Variants in GSE1 observed in about 807,000 individuals in gnomAD.
GSE1 encodes genetic suppressor element 1.
In GSE1, 32 loss-of-function variants were observed where a neutral mutation model predicts 112.6. That is an observed-to-expected ratio of 0.28 (90% CI 0.21 to 0.38). The LOEUF (loss-of-function observed/expected upper bound fraction) is 0.38, where lower values mean the gene tolerates loss of function less well. GSE1 is among the 10% of genes least tolerant of loss of function. The pLI is 1.00. For missense variants in GSE1, 2,348 were observed against 1,699.2 expected (o/e 1.38, Z -6.71); for synonymous variants, 1,115 against 735.6 (o/e 1.52, Z -8.35).
At chr16:85,285,867 T>C (rs1015234261) in intron 1 of GSE1, 19 of 152,218 alleles carry the variant, frequency 1.2e-4, no homozygotes, top group African/African-American at 4.3e-4. Flanking sequence ...TTTGATGCCA[T>C]TTGTCTGAAC....
intron 2 of GSE1, among the ~76,000 whole-genome samples, chr16:85,541,340 G>A (rs374954594): frequency 6.6e-6 from 1 of 152,344 alleles, no homozygotes; most frequent in Non-Finnish European, 1.5e-5. Context: ...CTTCCCGAGG[G>A]ACTTTCTCCA....
chr16:85,337,699 G>T (rs921829186), intron 1 of GSE1, among the ~76,000 whole-genome samples: 1 of 152,234 alleles, frequency 6.6e-6, no homozygotes, highest in Non-Finnish European at 1.5e-5. Context: ...GCCTTCAGGG[G>T]TCCATGGGTG....
intron 1 of GSE1, among the ~76,000 whole-genome samples, chr16:85,315,988 C>A (rs1597376759): frequency 6.6e-6 from 1 of 152,316 alleles, no homozygotes; most frequent in East Asian, 1.9e-4. Context: ...GCCCATGGTG[C>A]CCCTGCTGGG....
intron 1 of GSE1, among the ~76,000 whole-genome samples, chr16:85,256,085 T>C (rs112203329): frequency 6.6e-6 from 1 of 152,180 alleles, no homozygotes; most frequent in African/African-American, 2.4e-5. Context: ...AATACTAATT[T>C]CCTCATAGTG....
At chr16:85,532,070 A>G (rs539264116) in intron 2 of GSE1, among the ~76,000 whole-genome samples, 3 of 152,218 alleles carry the variant, frequency 2.0e-5, no homozygotes, top group African/African-American at 2.4e-5. Flanking sequence ...ATACAGTGTT[A>G]GCCTTGAAGA....
chr16:85,512,285 G>A (rs1390135717), intron 2 of GSE1, among the ~76,000 whole-genome samples: 4 of 152,184 alleles, frequency 2.6e-5, no homozygotes, highest in Non-Finnish European at 5.9e-5. Context: ...GAACACAGCA[G>A]GTGGCTGTGA....
At chr16:85,198,611 C>A (rs1283423377) in intron 1 of GSE1, among the ~76,000 whole-genome samples, 1 of 152,076 alleles carries the variant, frequency 6.6e-6, no homozygotes, top group Non-Finnish European at 1.5e-5. Flanking sequence ...TGCCGTCTTC[C>A]CTGGACAGTG....
At chr16:85,663,637 A>AG in intron 11 of GSE1, 23 bp downstream of exon 11, 1 of 1,596,290 alleles carries the variant, frequency 6.3e-7, no homozygotes, top group Non-Finnish European at 8.5e-7. Flanking sequence ...CTGGGTAGGA[A>AG]GGTGGGGGCT....
At chr16:85,185,706 C>G (rs938644095) in intron 1 of GSE1, among the ~76,000 whole-genome samples, 1 of 152,244 alleles carries the variant, frequency 6.6e-6, no homozygotes, top group Non-Finnish European at 1.5e-5. Context: ...TCTGTGTGGG[C>G]TTTTGGGAGC....
At position 85,419,218 on chromosome 16, in the gene GSE1, G is replaced by A. The variant is rs1476621721; in HGVS notation, c.2464+61575G>A. Among the ~76,000 whole-genome samples the A allele has an allele frequency of 6.6e-6, 1 of 152,220 alleles. No homozygotes were observed. The highest frequency in any genetic ancestry group is 1.5e-5 in the Non-Finnish European group (1 of 68,036). Reference sequence around the variant, plus strand: ...TGCCTTAGTCTCTGCAGGGACAGCAGTGAGGGTGCCCGGGCCCTGCCCTTA... The same window carrying A: ...TGCCTTAGTCTCTGCAGGGACAGCAATGAGGGTGCCCGGGCCCTGCCCTTA... On this transcript the variant is annotated intron_variant, in intron 2 of 2. Coordinates refer to the GSE1 transcript ENST00000637419. This position sits in a 1 kb window ranked among gnomAD's most constrained non-coding sequence, Gnocchi z 6.5.
In GSE1 at chr16:85,516,827, T is replaced by C. The variant is rs144102192; in HGVS notation, c.2465-117087T>C. Among the ~76,000 whole-genome samples the C allele has an allele frequency of 5.2e-3, 767 of 146,516 alleles. 9 individuals are homozygous for C. The highest frequency in any genetic ancestry group is 0.018 in the African/African-American group (730 of 39,682). On this transcript the variant is annotated intron_variant, in intron 2 of 2. Transcript: ENST00000637419. ...TTTTTTTTTTTTTTGAGACGGAGTC[T>C]CGCTCTATCGCCCAGGCTGGAGTGC...
rs144566225 is a variant in GSE1, at chr16:85,220,616, C to CCTGCCCGCTG, written c.2283+48829_2283+48838dup. Among the ~76,000 whole-genome samples the CCTGCCCGCTG allele has an allele frequency of 5.4e-4, 82 of 151,978 alleles. 1 individual carries two copies. Among genetic ancestry groups the CCTGCCCGCTG allele is most frequent in the Non-Finnish European group, 8.5e-4 (58 of 67,920 alleles). On this transcript the variant is annotated intron_variant, in intron 1 of 2. Coordinates refer to the GSE1 transcript ENST00000637419. The stretch of plus-strand genomic sequence containing the variant: ...TCCCCACACAGGCGGGCTTCTCGGG[C>CCTGCCCGCTG]CTGCCCGCTGCTGCCCGCTGCTGCC...
At chr16:85,646,703 G>T (rs969983292) in intron 2 of GSE1, among the ~76,000 whole-genome samples, 1 of 152,180 alleles carries the variant, frequency 6.6e-6, no homozygotes, top group African/African-American at 2.4e-5. Flanking sequence ...CCCCGCTGCA[G>T]GCTGCAGGCC....
At chr16:85,364,628 G>T (rs561664246) in intron 2 of GSE1, among the ~76,000 whole-genome samples, 1 of 152,236 alleles carries the variant, frequency 6.6e-6, no homozygotes, top group Non-Finnish European at 1.5e-5. Flanking sequence ...GGGACTTCCA[G>T]AGTGCCCTGA....
At chr16:85,631,654 C>A (rs1405332624) in intron 1 of GSE1, among the ~76,000 whole-genome samples, 1 of 152,220 alleles carries the variant, frequency 6.6e-6, no homozygotes, top group African/African-American at 2.4e-5. Context: ...TCGTAATGGC[C>A]CTGGGGTGCC....
chr16:85,436,078 AC>A (rs1597747880), intron 2 of GSE1, among the ~76,000 whole-genome samples: 1 of 151,790 alleles, frequency 6.6e-6, no homozygotes, highest in African/African-American at 2.4e-5. Context: ...GCATCATCGT[AC>A]CCCCCAACCT....
At chr16:85,422,322 C>G (rs561839059) in intron 2 of GSE1, among the ~76,000 whole-genome samples, 1 of 151,894 alleles carries the variant, frequency 6.6e-6, no homozygotes, top group Non-Finnish European at 1.5e-5. Context: ...GCGAGGCTCC[C>G]GGCAAGACTG....
intron 2 of GSE1, among the ~76,000 whole-genome samples, chr16:85,499,061 G>T (rs1169467981): frequency 6.6e-6 from 1 of 152,206 alleles, no homozygotes; most frequent in Non-Finnish European, 1.5e-5. Context: ...AGGAGTTGAG[G>T]CCAGATGGGA....
intron 1 of GSE1, among the ~76,000 whole-genome samples, chr16:85,179,230 C>A (rs190374380): frequency 2.0e-5 from 3 of 152,284 alleles, no homozygotes; most frequent in South Asian, 4.2e-4. Flanking sequence ...CCGTTCTGGT[C>A]GTCTCTTGTG....
Sources: allele counts gnomAD v4.1 joint callset (sites outside exome capture counted in the v4.1 genomes callset), GRCh38; gene constraint gnomAD v4.1.1; non-coding constraint Gnocchi (gnomAD v3.1); transcripts MANE v1.5; gene names NCBI Gene and HGNC (gene_info 2026-07-23, HGNC 2026-07-21).